The following MYO10 variants were observed in gnomAD, a reference collection of about 807,000 sequenced individuals.
The protein encoded by MYO10 is myosin X.
A neutral mutation model predicts 257.3 loss-of-function variants in MYO10; 133 were observed. The observed-to-expected ratio is 0.52, with a 90% CI of 0.45 to 0.60. The LOEUF is 0.60. MYO10 is among the 20% of genes least tolerant of loss of function. The pLI, the probability that MYO10 is intolerant of heterozygous loss-of-function variation, is 0.00. For synonymous variants in MYO10, 1,104 were observed against 1,028.6 expected (o/e 1.07, Z -1.40); for missense variants, 2,399 against 2,635.7 (o/e 0.91, Z 1.97).
chr5:16,823,352 T>TGA (rs1404837647), intron 2 of MYO10, among the ~76,000 whole-genome samples: 134 of 137,078 alleles, frequency 9.8e-4, no homozygotes, highest in African/African-American at 3.5e-3. Context: ...GGCTGAGGCA[T>TGA]GAGAATCACT....
intron 2 of MYO10, among the ~76,000 whole-genome samples, chr5:16,823,735 A>G (rs1371126546): frequency 7.0e-6 from 1 of 143,282 alleles, no homozygotes; most frequent in Non-Finnish European, 1.5e-5. Flanking sequence ...GCCTCCCAAA[A>G]TGTTGGGATT....
intron 39 of MYO10, among the ~76,000 whole-genome samples, chr5:16,668,695 CAG>C (rs777620263): frequency 6.6e-6 from 1 of 152,198 alleles, no homozygotes; most frequent in Non-Finnish European, 1.5e-5. Context: ...CACTAACTGG[CAG>C]AGTCTAACAT....
chr5:16,723,228 CA>C (rs58781411), intron 19 of MYO10, among the ~76,000 whole-genome samples: 4 of 147,914 alleles, frequency 2.7e-5, no homozygotes, highest in East Asian at 2.0e-4. Context: ...ACTAAAAATA[CA>C]AAAAAAAAAT....
In MYO10 at chr5:16,662,385, A is replaced by G. The variant is rs1277041117; in HGVS notation, c.*4307T>C. Reference sequence around the variant, plus strand: ...GTCACCCACACCAGAATGCAGTGGCACCATCATGGCTCCCTGCAGCTTTGA... The same window carrying G: ...GTCACCCACACCAGAATGCAGTGGCGCCATCATGGCTCCCTGCAGCTTTGA... On this transcript the variant is annotated 3_prime_UTR_variant, in exon 41 of 41. Transcript: ENST00000513610. The G allele has an allele frequency of 6.3e-4, 81 of 129,376 alleles. No homozygotes were observed. Among genetic ancestry groups the G allele is most frequent in the African/African-American group, 2.3e-3 (78 of 33,766 alleles). The allele number at this position is 129,376 out of a possible 1,614,324, so 8.0% of individuals were successfully genotyped here.
chr5:16,763,765 G>A lies in MYO10; in HGVS notation c.1327-10C>T, dbSNP rs550925467. On this transcript the variant is annotated splice_polypyrimidine_tract_variant and intron_variant, in intron 12 of 40. Transcript: ENST00000513610. ...GTTCAAAGTGATTAACCTAAGGGGGGAAAGCATTCAATAAGTATCTTTAGT... is the reference window on the plus strand; with the variant it reads ...GTTCAAAGTGATTAACCTAAGGGGGAAAAGCATTCAATAAGTATCTTTAGT... 1.3e-6 allele frequency: 2 copies of A among 1,485,730 alleles called. No homozygotes were observed. The highest frequency in any genetic ancestry group is 1.8e-5 in the Admixed American group (1 of 56,678). The allele number at this position is 1,485,730 out of a possible 1,614,324, so 92.0% of individuals were successfully genotyped here.
intron 1 of MYO10, among the ~76,000 whole-genome samples, chr5:16,899,994 T>C (rs1473444603): frequency 7.9e-5 from 5 of 63,220 alleles, no homozygotes; most frequent in African/African-American, 3.2e-4. Context: ...CAAGATGCTG[T>C]CTCAAAAAAA....
chr5:16,869,579 A>T (rs1744391384), intron 2 of MYO10, among the ~76,000 whole-genome samples: 1 of 151,862 alleles, frequency 6.6e-6, no homozygotes, highest in African/African-American at 2.4e-5. Context: ...TAAAAACAGA[A>T]GGTGGCCGGA....
chr5:16,672,434 C>T (rs1026234038), intron 37 of MYO10, among the ~76,000 whole-genome samples: 5 of 152,036 alleles, frequency 3.3e-5, no homozygotes, highest in East Asian at 1.9e-4. Flanking sequence ...AATACCCAGA[C>T]GGGTCCAACA....
chr5:16,847,622 T>C (rs970495442), intron 2 of MYO10, among the ~76,000 whole-genome samples: 2 of 151,882 alleles, frequency 1.3e-5, no homozygotes, highest in Non-Finnish European at 2.9e-5. Flanking sequence ...CCCAGCTTCT[T>C]GGGAGGCTGA....
intron 2 of MYO10, among the ~76,000 whole-genome samples, chr5:16,868,344 T>C (rs7710720): frequency 0.53 from 81,297 of 152,024 alleles, 21,895 homozygotes; most frequent in Non-Finnish European, 0.55. Flanking sequence ...GTGGCTCATG[T>C]CTGTAATCCC....
In MYO10 at chr5:16,681,323, A is replaced by G. The variant is rs1469643322; in HGVS notation, c.4370T>C (p.Ile1457Thr). The change falls in exon 32 of 41, where the codon ATA becomes ACA. Residue 1457 changes from isoleucine to threonine, a missense_variant. Transcript: ENST00000513610. ...LCSVVPPDEK[I>T]FKETGYWNVT... ...AGCCTGGTTACCTGTCTCTTTGAAT[A>G]TCTTCTCATCTGGGGGGACGACAGA... The G allele has an allele frequency of 6.2e-7, 1 of 1,607,584 alleles. No individual in the cohort carries two copies. The highest frequency in any genetic ancestry group is 8.5e-7 in the Non-Finnish European group (1 of 1,178,420).
At chr5:16,873,785 C>T (rs1744512861) in intron 2 of MYO10, among the ~76,000 whole-genome samples, 2 of 152,192 alleles carry the variant, frequency 1.3e-5, no homozygotes, top group Admixed American at 1.3e-4. Flanking sequence ...GTACATTGGC[C>T]TCTTTCAGCC....
rs772729357 is a variant in MYO10 at position 16,701,259 on chromosome 5, T to C, written c.3136A>G (p.Ser1046Gly). Residue 1046 changes from serine to glycine, a missense_variant, in exon 25 of 41, where the codon AGT becomes GGT. Coordinates refer to ENST00000513610, the MANE Select transcript of MYO10 (RefSeq NM_012334.3). The surrounding 1 kb of genome is among the most constrained non-coding windows in gnomAD (Gnocchi z 8.1). ...MNDTVVPTSP[S>G]ADSTVLLAPS... ...GCGAGCAGCACCGTGCTGTCCGCAC[T>C]GGGGCTGGTGGGCACCACCGTGTCG... 6.3e-5 allele frequency: 102 copies of C among 1,613,516 alleles called. No homozygotes were observed. Among genetic ancestry groups the C allele is most frequent in the Non-Finnish European group, 8.1e-5 (95 of 1,179,788 alleles).
chr5:16,930,711 T>C (rs550263089), intron 1 of MYO10, among the ~76,000 whole-genome samples: 3 of 152,276 alleles, frequency 2.0e-5, no homozygotes, highest in South Asian at 2.1e-4. Flanking sequence ...CTGATAACCA[T>C]GCAAACTAGG....
intron 2 of MYO10, among the ~76,000 whole-genome samples, chr5:16,868,691 G>C (rs912946149): frequency 5.9e-5 from 9 of 152,126 alleles, no homozygotes; most frequent in South Asian, 2.1e-4. Context: ...TGCAGGATAT[G>C]TGCTGACCCG....
chr5:16,865,940 T>G (rs993026531), intron 2 of MYO10, among the ~76,000 whole-genome samples: 1 of 151,820 alleles, frequency 6.6e-6, no homozygotes, highest in Non-Finnish European at 1.5e-5. Context: ...ACATTATAAA[T>G]GTGATTACTG....
rs1404869825 is a variant in MYO10, at chr5:16,769,131, G to A, written c.1003C>T (p.His335Tyr). 1.9e-6 allele frequency: 3 copies of A among 1,612,414 alleles called. No individual in the cohort carries two copies. The highest frequency in any genetic ancestry group is 2.2e-5 in the East Asian group (1 of 44,806). The change falls in exon 10 of 41, where the codon CAT becomes TAT. Residue 335 changes from histidine to tyrosine, a missense_variant. By Grantham distance (83) the His-to-Tyr change is moderately conservative. Around this residue, in one of 3 missense-constraint regions of MYO10, gnomAD observed 337 missense variants for 446.8 expected, o/e 0.75. Transcript: ENST00000513610. ...EVSRLLAGIL[H>Y]LGNIEFITAG... Reference sequence around the variant, plus strand: ...GTGATAAATTCTATGTTCCCAAGATGCAGTATACCAGCAAGCAGCCTCGAC... The same window carrying A: ...GTGATAAATTCTATGTTCCCAAGATACAGTATACCAGCAAGCAGCCTCGAC...
intron 3 of MYO10, among the ~76,000 whole-genome samples, chr5:16,800,463 C>T (rs915523818): frequency 1.1e-4 from 16 of 152,234 alleles, no homozygotes; most frequent in African/African-American, 3.9e-4. Flanking sequence ...GGCAAGAAAG[C>T]CTTGATTGTT....
At chr5:16,811,361 G>T (rs1176092432) in intron 3 of MYO10, among the ~76,000 whole-genome samples, 1 of 152,164 alleles carries the variant, frequency 6.6e-6, no homozygotes, top group Admixed American at 6.5e-5. Context: ...CCTAGGTGGG[G>T]AACCAATGGT....
Sources: gnomAD v4.1 joint callset for allele counts (sites outside exome capture counted in the v4.1 genomes callset) on GRCh38, gnomAD v4.1.1 for gene constraint, gnomAD v4.1.1 regional missense constraint, Gnocchi (gnomAD v3.1) non-coding constraint, MANE v1.5 for transcripts, NCBI Gene and HGNC (gene_info 2026-07-23, HGNC 2026-07-21) for gene names.